Variants in NKAIN2 observed in about 807,000 individuals in gnomAD.
The protein encoded by NKAIN2 is sodium/potassium transporting ATPase interacting 2.
In NKAIN2, 14 loss-of-function variants were observed where a neutral mutation model predicts 32.6. That is an observed-to-expected ratio of 0.43 (90% confidence interval 0.28 to 0.67). NKAIN2 has a LOEUF of 0.67. Ranked by LOEUF, NKAIN2 falls within the 30% of genes least tolerant of loss-of-function variation. The probability of loss-of-function intolerance (pLI) is 0.17; values close to 1 mark genes in which losing one functional copy is unlikely to be tolerated. For missense variants in NKAIN2, 198 were observed against 258.3 expected (o/e 0.77, Z 1.60); for synonymous variants, 80 against 87.2 (o/e 0.92, Z 0.46).
chr6:124,614,716 C>T (rs2115003796), intron 3 of NKAIN2, among the ~76,000 whole-genome samples: 1 of 152,086 alleles, frequency 6.6e-6, no homozygotes, highest in East Asian at 1.9e-4. Flanking sequence ...TCTGGCCCCT[C>T]CATTCCTCCT....
At chr6:124,713,393 C>T (rs1775596808) in intron 4 of NKAIN2, among the ~76,000 whole-genome samples, 1 of 152,154 alleles carries the variant, frequency 6.6e-6, no homozygotes, top group Admixed American at 6.5e-5. Context: ...TATGATTTAA[C>T]AGATACTGGA....
intron 1 of NKAIN2, among the ~76,000 whole-genome samples, chr6:124,033,160 A>T (rs1781475924): frequency 6.6e-6 from 1 of 152,120 alleles, no homozygotes; most frequent in Non-Finnish European, 1.5e-5. Context: ...AAAAAATCAC[A>T]CAATGAATTC....
chr6:124,454,757 G>T (rs569633651), intron 3 of NKAIN2, among the ~76,000 whole-genome samples: 1 of 152,118 alleles, frequency 6.6e-6, no homozygotes, highest in Non-Finnish European at 1.5e-5. Context: ...GTGGTGTCTT[G>T]TCAGAAATTG....
intron 1 of NKAIN2, among the ~76,000 whole-genome samples, chr6:124,153,978 T>C (rs1787860287): frequency 6.6e-6 from 1 of 151,084 alleles, no homozygotes; most frequent in African/African-American, 2.4e-5. Flanking sequence ...AGAAGTTCCC[T>C]TCCATTTCTG....
chr6:123,944,888 ATATCT>A (rs1253940685), intron 1 of NKAIN2, among the ~76,000 whole-genome samples: 2 of 152,040 alleles, frequency 1.3e-5, no homozygotes, highest in East Asian at 3.9e-4. Context: ...TGGGGGATTG[ATATCT>A]TATCTAAGGG....
chr6:124,281,358 G>A (rs1795288015), intron 1 of NKAIN2, among the ~76,000 whole-genome samples: 1 of 152,186 alleles, frequency 6.6e-6, no homozygotes, highest in East Asian at 1.9e-4. Flanking sequence ...CTTCGCATAT[G>A]TAATACTGCC....
At chr6:124,056,110 A>G (rs947164882) in intron 1 of NKAIN2, among the ~76,000 whole-genome samples, 16 of 152,168 alleles carry the variant, frequency 1.1e-4, no homozygotes, top group Non-Finnish European at 1.9e-4. Flanking sequence ...ATGCCTAAAC[A>G]CAATCTTGCA....
chr6:124,729,253 A>C (rs1380504549), intron 4 of NKAIN2, among the ~76,000 whole-genome samples: 40 of 149,926 alleles, frequency 2.7e-4, no homozygotes, highest in Admixed American at 6.6e-4. Context: ...GAGACACAAC[A>C]AAAAAAGAGA....
intron 3 of NKAIN2, among the ~76,000 whole-genome samples, chr6:124,500,346 T>A (rs1258637861): frequency 6.6e-6 from 1 of 152,000 alleles, no homozygotes; most frequent in Non-Finnish European, 1.5e-5. Flanking sequence ...CCTTTTTTTT[T>A]AATCTAAAAT....
At chr6:123,851,029 T>C (rs748118781) in intron 1 of NKAIN2, among the ~76,000 whole-genome samples, 1 of 152,154 alleles carries the variant, frequency 6.6e-6, no homozygotes, top group African/African-American at 2.4e-5. Context: ...ATTTCTTTCT[T>C]TTTTAAGGCT....
intron 2 of NKAIN2, among the ~76,000 whole-genome samples, chr6:124,326,556 C>G (rs1159922949): frequency 6.6e-6 from 1 of 152,096 alleles, no homozygotes; most frequent in Non-Finnish European, 1.5e-5. Context: ...TTTGCAGTTA[C>G]AGGACTTTGC....
chr6:124,480,011 A>G (rs1234822604), intron 3 of NKAIN2, among the ~76,000 whole-genome samples: 2 of 152,226 alleles, frequency 1.3e-5, no homozygotes, highest in Non-Finnish European at 2.9e-5. Context: ...ACACTAATGC[A>G]TTCTGCATCA....
intron 1 of NKAIN2, among the ~76,000 whole-genome samples, chr6:123,926,933 A>G (rs1488838213): frequency 1.3e-5 from 2 of 152,194 alleles, no homozygotes; most frequent in Non-Finnish European, 2.9e-5. Context: ...TGCTAAGTCT[A>G]CCAAAATCTA....
intron 3 of NKAIN2, among the ~76,000 whole-genome samples, chr6:124,452,849 G>A (rs973374274): frequency 6.6e-6 from 1 of 152,052 alleles, no homozygotes; most frequent in African/African-American, 2.4e-5. Flanking sequence ...CAGTAATAAT[G>A]GCATCATAGG....
intron 1 of NKAIN2, among the ~76,000 whole-genome samples, chr6:123,892,067 G>T (rs1774044291): frequency 6.6e-6 from 1 of 152,102 alleles, no homozygotes; most frequent in Non-Finnish European, 1.5e-5. Flanking sequence ...AGAGAAAATG[G>T]TGTTTTTTAT....
rs370191901 is a variant in NKAIN2, at chr6:123,845,440, G to A, written c.54+41186G>A. Among the ~76,000 whole-genome samples the A allele has an allele frequency of 1.8e-4, 27 of 152,288 alleles. No individual in the cohort carries two copies. In the South Asian group the frequency reaches 2.5e-3, roughly 14 times the overall value. ...TTAACAATTTTTGCTCATGTGATGC[G>A]TTTTCCTTTTATACTTAACACCAAA... On this transcript the variant is annotated intron_variant, in intron 1 of 6. Coordinates refer to ENST00000368417, the MANE Select transcript of NKAIN2 (RefSeq NM_001040214.3).
chr6:124,300,577 C>G (rs1425602018), intron 2 of NKAIN2, among the ~76,000 whole-genome samples: 3 of 152,142 alleles, frequency 2.0e-5, no homozygotes, highest in Non-Finnish European at 4.4e-5. Flanking sequence ...TCAGAAGTCT[C>G]AGAAGAAGAT....
chr6:124,346,115 T>C (rs1157979726), intron 2 of NKAIN2, among the ~76,000 whole-genome samples: 1 of 152,180 alleles, frequency 6.6e-6, no homozygotes, highest in African/African-American at 2.4e-5. Flanking sequence ...CAGGAGCAGG[T>C]TGTTCAGTTT....
At chr6:124,311,137 G>A (rs970495849) in intron 2 of NKAIN2, among the ~76,000 whole-genome samples, 1 of 152,054 alleles carries the variant, frequency 6.6e-6, no homozygotes, top group African/African-American at 2.4e-5. Flanking sequence ...AAAGAACAGT[G>A]AAGATACTCA....
Sources: gnomAD v4.1 joint callset for allele counts (sites outside exome capture counted in the v4.1 genomes callset) on GRCh38, gnomAD v4.1.1 for gene constraint, MANE v1.5 for transcripts, NCBI Gene and HGNC (gene_info 2026-07-23, HGNC 2026-07-21) for gene names.